Variants in C19orf12 observed in about 807,000 individuals in gnomAD.
C19orf12 encodes the protein chromosome 19 open reading frame 12.
In C19orf12, 2 loss-of-function variants were observed where a neutral mutation model predicts 3.8. The ratio of observed to expected loss-of-function variants is 0.53; its 90% CI spans 0.22 to 1.66. The LOEUF is 1.66. C19orf12 is among the 40% of genes most tolerant of loss of function. The pLI is 0.20. For synonymous variants in C19orf12, 89 were observed against 84.6 expected, an observed-to-expected ratio of 1.05 and a Z score of -0.28; for missense variants, 156 against 188.8, an observed-to-expected ratio of 0.83 and a Z score of 1.02.
intron 1 of C19orf12, among the ~76,000 whole-genome samples, chr19:29,709,157 C>A (rs1972535367): frequency 6.6e-6 from 1 of 152,242 alleles, no homozygotes; most frequent in African/African-American, 2.4e-5. Flanking sequence ...AAAGATAAAG[C>A]AGGGAGACAA....
intron 2 of C19orf12, among the ~76,000 whole-genome samples, chr19:29,704,932 AATACCAGATTTGT>A: frequency 6.6e-6 from 1 of 152,316 alleles, no homozygotes; most frequent in Middle Eastern, 3.4e-3. Flanking sequence ...TACCACACAA[AATACCAGATTTGT>A]AGCTTTAAAA....
At chr19:29,715,362 G>C (rs1340207665), upstream of C19orf12, 1 of 393,050 alleles carries the variant, frequency 2.5e-6, no homozygotes, top group Non-Finnish European at 5.1e-6. Context: ...CTTAGGGGGA[G>C]CCGGGGGTCG....
At chr19:29,708,487 A>G in intron 1 of C19orf12, 64 bp from the exon 2 acceptor site, 1 of 1,591,848 alleles carries the variant, frequency 6.3e-7, no homozygotes, top group Non-Finnish European at 8.6e-7. Flanking sequence ...TCACAATGCC[A>G]CTCTAGTTCC....
chr19:29,714,931 C>A, intron 1 of C19orf12, 194 bp downstream of exon 1: 1 of 713,780 alleles, frequency 1.4e-6, no homozygotes, highest in Non-Finnish European at 2.6e-6. Context: ...CCTCTCCATG[C>A]CTCAGTTTCT....
At position 29,702,436 on chromosome 19, in the gene C19orf12, C is replaced by T. The variant is rs1972139750; in HGVS notation, c.*276G>A. On this transcript the variant is annotated 3_prime_UTR_variant, in exon 3 of 3. Transcript: ENST00000323670. Reference sequence around the variant, plus strand: ...AGGACTCAGCAGACGCCTCCGAAGCCTGCGGCAGGCAGGCCTTTACTCTTC... The same window carrying T: ...AGGACTCAGCAGACGCCTCCGAAGCTTGCGGCAGGCAGGCCTTTACTCTTC... 3 of 647,438 alleles carry T rather than the reference C, an allele frequency of 4.6e-6. No individual in the cohort carries two copies. Among genetic ancestry groups the T allele is most frequent in the Non-Finnish European group, 8.5e-6 (3 of 351,826 alleles). The allele number at this position is 647,438 out of a possible 1,614,324, so 40.1% of individuals were successfully genotyped here.
rs1971933335 is a variant in C19orf12, at chr19:29,699,106, T to C, written c.*3606A>G. 2.2e-6 allele frequency: 1 copy of C among 453,916 alleles called. No homozygotes were observed. Among genetic ancestry groups the C allele is most frequent in the Non-Finnish European group, 4.4e-6 (1 of 226,768 alleles). 28.1% of individuals were successfully genotyped at this position (453,916 alleles called of 1,614,324 possible). On this transcript the variant is annotated 3_prime_UTR_variant, in exon 3 of 3. Coordinates refer to ENST00000323670, the MANE Select transcript of C19orf12 (RefSeq NM_031448.6). Reference sequence around the variant, plus strand: ...GGAATTTTAAATTACATCAAAAATATTATTTAACATTCATTGATACAGGTG... The same window carrying C: ...GGAATTTTAAATTACATCAAAAATACTATTTAACATTCATTGATACAGGTG...
Position 29,702,981 on chromosome 19 carries a change from GA to G in C19orf12, c.161-5del, listed in dbSNP as rs1599534661. 2 of 1,613,656 alleles carry G rather than the reference GA, an allele frequency of 1.2e-6. No homozygotes were observed. Among genetic ancestry groups the G allele is most frequent in the Middle Eastern group, 3.3e-4 (2 of 6,060 alleles). Reference sequence around the variant, plus strand: ...AACAGCCCCCCGACAGCCCCCCCTAGAAAACATGGAATCGTTCAATTAGTGG... The same window carrying G: ...AACAGCCCCCCGACAGCCCCCCCTAGAAACATGGAATCGTTCAATTAGTGG... On this transcript the variant is annotated splice_polypyrimidine_tract_variant and splice_region_variant and intron_variant, in intron 2 of 2. Transcript: ENST00000323670.
At chr19:29,713,155 G>C (rs1972771102) in intron 1 of C19orf12, among the ~76,000 whole-genome samples, 1 of 152,182 alleles carries the variant, frequency 6.6e-6, no homozygotes. Flanking sequence ...AGCCCACCCT[G>C]CTCCTTCTCC....
intron 1 of C19orf12, among the ~76,000 whole-genome samples, chr19:29,712,542 GGAAGAAA>G (rs1972737941): frequency 6.6e-6 from 1 of 152,166 alleles, no homozygotes; most frequent in Non-Finnish European, 1.5e-5. Flanking sequence ...ATGCACAGTA[GGAAGAAA>G]TAAGCAACAT....
At position 29,698,969 on chromosome 19, in the gene C19orf12, G is replaced by A. The variant is rs1971927692; in HGVS notation, c.*3743C>T. 1 of 451,424 alleles carries A rather than the reference G, an allele frequency of 2.2e-6. No homozygotes were observed. The allele number at this position is 451,424 out of a possible 1,614,324, so 28.0% of individuals were successfully genotyped here. A position where few individuals can be genotyped will look rare whatever the true frequency, so the allele number is the denominator to read the frequency against. The stretch of plus-strand genomic sequence containing the variant: ...ATTCAATAAAGAGAATATTAACACA[G>A]TATTACTGTAATACTTCAGCATTAC... On this transcript the variant is annotated 3_prime_UTR_variant, in exon 3 of 3. Transcript: ENST00000323670.
chr19:29,710,750 C>A (rs1278628889), intron 1 of C19orf12, among the ~76,000 whole-genome samples: 1 of 152,196 alleles, frequency 6.6e-6, no homozygotes, highest in African/African-American at 2.4e-5. Flanking sequence ...ACCTGGTCTC[C>A]TGCTTTCCAG....
chr19:29,702,807 C>T lies in C19orf12; in HGVS notation c.331G>A (p.Val111Ile), dbSNP rs145333156. ...WTDAVQLTAL[V>I]MGSEALQQQL... ...TGCTGCAGGGCCTCGCTGCCCATGA[C>T]CAGCGCGGTCAGCTGCACGGCGTCC... Residue 111 changes from valine to isoleucine, a missense_variant, in exon 3 of 3, where the codon GTC becomes ATC. Transcript: ENST00000323670. The T allele has an allele frequency of 1.9e-6, 3 of 1,613,904 alleles. No homozygotes were observed. The highest frequency in any genetic ancestry group is 2.2e-5 in the East Asian group (1 of 44,854).
At chr19:29,708,759 A>C (rs1434907210) in intron 1 of C19orf12, 5 of 381,656 alleles carry the variant, frequency 1.3e-5, no homozygotes, top group Non-Finnish European at 2.5e-5. Flanking sequence ...TTCTGGCATT[A>C]GTGGCCTTTG....
intron 1 of C19orf12, among the ~76,000 whole-genome samples, chr19:29,713,812 C>T (rs751601808): frequency 2.0e-5 from 3 of 152,108 alleles, no homozygotes; most frequent in Non-Finnish European, 2.9e-5. Flanking sequence ...GAGCAGGGGC[C>T]GTCCCCTGCC....
At position 29,700,504 on chromosome 19, in the gene C19orf12, C is replaced by T. The variant is rs796818328; in HGVS notation, c.*2208G>A. On this transcript the variant is annotated 3_prime_UTR_variant, in exon 3 of 3. Coordinates refer to ENST00000323670, the MANE Select transcript of C19orf12 (RefSeq NM_031448.6). ...ATTTTCCATTTTTAGTTCCAGGGTC[C>T]GTATGCAGGACTTATTTGCAGGAAG... 1.5e-5 allele frequency: 7 copies of T among 453,912 alleles called. No homozygotes were observed. Among genetic ancestry groups the T allele is most frequent in the African/African-American group, 2.0e-5 (1 of 49,966 alleles). The allele number at this position is 453,912 out of a possible 1,614,324, so 28.1% of individuals were successfully genotyped here.
intron 1 of C19orf12, among the ~76,000 whole-genome samples, chr19:29,712,968 G>A (rs945056076): frequency 2.0e-5 from 3 of 152,172 alleles, no homozygotes; most frequent in Admixed American, 6.5e-5. Flanking sequence ...CCAGCACCAC[G>A]GGTAGAGATG....
chr19:29,711,230 G>C (rs1177788910), intron 1 of C19orf12, among the ~76,000 whole-genome samples: 2 of 151,922 alleles, frequency 1.3e-5, no homozygotes, highest in South Asian at 2.1e-4. Context: ...AGTAGAGATG[G>C]GGTTTCACCA....
In C19orf12 at chr19:29,708,373, G is replaced by A. The variant is rs773087628; in HGVS notation, c.41C>T (p.Ser14Phe). ...MVEDIMKLLC[S>F]LSGERKMKAA... is the part of the protein sequence containing the mutation. ...CTTCATCTTCCTCTCCCCAGAAAGG[G>A]AGCACAGCAGCTTCATGATGTCCTC... Residue 14 changes from serine (S) to phenylalanine (F), a missense_variant, in exon 2 of 3, where the codon TCC (serine) becomes TTC (phenylalanine). By Grantham distance (155) the Ser-to-Phe change is radical. Transcript: ENST00000323670. The A allele has an allele frequency of 1.2e-6, 2 of 1,614,148 alleles. No homozygotes were observed. The highest frequency in any genetic ancestry group is 1.7e-5 in the Admixed American group (1 of 60,016).
Position 29,700,623 on chromosome 19 carries a change from TAA to T in C19orf12, c.*2087_*2088del. Reference sequence around the variant, plus strand: ...ACCCCTGCCCTGTCCCCCATCAACTTAAGTGGCATATAAATGATTAAAGTGGC... The same window carrying T: ...ACCCCTGCCCTGTCCCCCATCAACTTGTGGCATATAAATGATTAAAGTGGC... On this transcript the variant is annotated 3_prime_UTR_variant, in exon 3 of 3. Coordinates refer to ENST00000323670, the MANE Select transcript of C19orf12 (RefSeq NM_031448.6). 1 of 454,058 alleles carries T rather than the reference TAA, an allele frequency of 2.2e-6. No individual in the cohort carries two copies. The highest frequency in any genetic ancestry group is 4.4e-6 in the Non-Finnish European group (1 of 226,772). The allele number at this position is 454,058 out of a possible 1,614,324, so 28.1% of individuals were successfully genotyped here.
Sources: allele counts gnomAD v4.1 joint callset (sites outside exome capture counted in the v4.1 genomes callset), GRCh38; gene constraint gnomAD v4.1.1; transcripts MANE v1.5; gene names NCBI Gene and HGNC (gene_info 2026-07-23, HGNC 2026-07-21).